The following KDM5B variants were observed in gnomAD, a reference collection of about 807,000 sequenced individuals.
KDM5B encodes the protein lysine-specific demethylase 5B.
Under a neutral mutation model 193.4 loss-of-function variants are expected in KDM5B, and 144 were observed. The observed-to-expected ratio is 0.74, with a 90% CI of 0.65 to 0.86. The LOEUF is 0.86. KDM5B is among the 40% of genes least tolerant of loss of function. The pLI, the probability that KDM5B is intolerant of heterozygous loss-of-function variation, is 0.00. For missense variants in KDM5B, 1,833 were observed against 1,886.9 expected (o/e 0.97, Z 0.53); for synonymous variants, 668 against 682.6 (o/e 0.98, Z 0.33).
intron 4 of KDM5B, among the ~76,000 whole-genome samples, chr1:202,769,438 G>A (rs1485202847): frequency 2.6e-5 from 4 of 151,246 alleles, no homozygotes; most frequent in African/African-American, 9.7e-5. Flanking sequence ...GGGAGGCCAA[G>A]GCAGGTAGAT....
chr1:202,781,596 A>C (rs1657200761), intron 1 of KDM5B, among the ~76,000 whole-genome samples: 1 of 152,210 alleles, frequency 6.6e-6, no homozygotes, highest in African/African-American at 2.4e-5. Context: ...TAATGTGTTT[A>C]ATTTATACAG....
Position 202,808,406 on chromosome 1 carries a change from C to G in KDM5B, c.-101G>C. ...CGTGCAGACGCGGCTCGAGCAACAG[C>G]AAGTCCGAGTTGTACGGGCAACGGC... is the stretch of plus-strand genomic sequence containing the variant. On this transcript the variant is annotated 5_prime_UTR_variant, in exon 1 of 27. Transcript: ENST00000367265. 6.3e-6 allele frequency: 7 copies of G among 1,117,344 alleles called. No homozygotes were observed. The highest frequency in any genetic ancestry group is 2.6e-5 in the East Asian group (1 of 38,686). 69.2% of individuals were successfully genotyped at this position (1,117,344 alleles called of 1,614,324 possible). A position where few individuals can be genotyped will look rare whatever the true frequency, so the allele number is the denominator to read the frequency against.
chr1:202,801,492 A>G (rs1001737129), intron 1 of KDM5B, among the ~76,000 whole-genome samples: 7 of 152,232 alleles, frequency 4.6e-5, no homozygotes, highest in African/African-American at 9.6e-5. Context: ...TCCTAGAGAC[A>G]TCTTTTCTTC....
chr1:202,739,422 A>T (rs1385351681), intron 20 of KDM5B, among the ~76,000 whole-genome samples: 1 of 151,064 alleles, frequency 6.6e-6, no homozygotes, highest in Non-Finnish European at 1.5e-5. Context: ...ATTATTCTTC[A>T]CAACTTTCCA....
chr1:202,736,452 G>A (rs1655099810), intron 20 of KDM5B, 60 bp from the exon 21 acceptor site: 9 of 1,361,230 alleles, frequency 6.6e-6, no homozygotes, highest in Admixed American at 2.5e-5. Context: ...TGAAAAACAG[G>A]AAAAGCTTAA....
intron 16 of KDM5B, among the ~76,000 whole-genome samples, chr1:202,743,867 TAAAACCCAA>T (rs903033499): frequency 6.6e-6 from 1 of 152,156 alleles, no homozygotes; most frequent in Non-Finnish European, 1.5e-5. Context: ...GACTTAAATG[TAAAACCCAA>T]AAATATAAAA....
chr1:202,776,750 A>G (rs1656973767), intron 2 of KDM5B, among the ~76,000 whole-genome samples: 1 of 152,090 alleles, frequency 6.6e-6, no homozygotes, highest in Non-Finnish European at 1.5e-5. Context: ...ATGTTTTAGC[A>G]GAGACAGGGT....
chr1:202,782,354 A>ACGAATTTTTTTTTCTT (rs1384161642), intron 1 of KDM5B, among the ~76,000 whole-genome samples: 4 of 152,178 alleles, frequency 2.6e-5, no homozygotes, highest in Non-Finnish European at 5.9e-5. Flanking sequence ...TCAATGGGAC[A>ACGAATTTTTTTTTCTT]CGAATTTTTT....
chr1:202,785,920 A>AG (rs1657393349), intron 1 of KDM5B, among the ~76,000 whole-genome samples: 1 of 151,882 alleles, frequency 6.6e-6, no homozygotes, highest in Non-Finnish European at 1.5e-5. Flanking sequence ...AAAAAAAAAA[A>AG]AAAAAAGTGC....
intron 1 of KDM5B, among the ~76,000 whole-genome samples, chr1:202,794,874 C>T (rs946001015): frequency 7.2e-5 from 11 of 152,104 alleles, no homozygotes; most frequent in African/African-American, 2.7e-4. Flanking sequence ...ATAAATTAGG[C>T]ACAGTTAGAG....
At chr1:202,802,574 G>A (rs757728354) in intron 1 of KDM5B, among the ~76,000 whole-genome samples, 12 of 151,972 alleles carry the variant, frequency 7.9e-5, no homozygotes, top group Non-Finnish European at 8.8e-5. Context: ...TATATTTTTA[G>A]TAGAGACAGG....
intron 2 of KDM5B, among the ~76,000 whole-genome samples, chr1:202,775,570 A>G (rs1487331918): frequency 6.6e-6 from 1 of 150,620 alleles, no homozygotes; most frequent in Non-Finnish European, 1.5e-5. Flanking sequence ...TAATAATTAT[A>G]CATGGTCGGG....
Position 202,799,630 on chromosome 1 carries a change from C to G in KDM5B, c.204+8472G>C, listed in dbSNP as rs901586079. Among the ~76,000 whole-genome samples the G allele has an allele frequency of 2.0e-5, 3 of 148,908 alleles. No individual in the cohort carries two copies. In the Admixed American group the frequency reaches 2.0e-4, roughly 10 times the overall value. ...ATCACGCCACTGCATGCACTCCAGCCTGGGTGACAAGCGTGAAACTCCATC... is the reference window on the plus strand; with the variant it reads ...ATCACGCCACTGCATGCACTCCAGCGTGGGTGACAAGCGTGAAACTCCATC... On this transcript the variant is annotated intron_variant, in intron 1 of 26. Coordinates refer to ENST00000367265, the MANE Select transcript of KDM5B (RefSeq NM_006618.5).
At position 202,727,008 on chromosome 1, in the gene KDM5B, C is replaced by T. The variant is rs190885351; in HGVS notation, c.*2028G>A. The T allele has an allele frequency of 6.6e-6, 1 of 152,340 alleles. No individual in the cohort carries two copies. The highest frequency in any genetic ancestry group is 1.9e-4 in the East Asian group (1 of 5,186). 9.4% of individuals were successfully genotyped at this position (152,340 alleles called of 1,614,324 possible). A position where few individuals can be genotyped will look rare whatever the true frequency, so the allele number is the denominator to read the frequency against. Reference sequence around the variant, plus strand: ...ACACACATGCCTACCTTTTCTAACTCACTCAGAGATACAAAGATCTGACTT... The same window carrying T: ...ACACACATGCCTACCTTTTCTAACTTACTCAGAGATACAAAGATCTGACTT... On this transcript the variant is annotated 3_prime_UTR_variant, in exon 27 of 27. Transcript: ENST00000367265.
chr1:202,729,650 T>C (rs2102206956), intron 26 of KDM5B, 57 bp downstream of exon 26: 2 of 1,484,002 alleles, frequency 1.3e-6, no homozygotes, highest in Non-Finnish European at 1.8e-6. Context: ...GAGGTCTAGC[T>C]TACAGGGTTT....
rs1165461407 is a variant in KDM5B, at chr1:202,749,005, C to G, written c.1956G>C (p.Gln652His). The change falls in exon 14 of 27, where the codon CAG (glutamine) becomes CAC (histidine). Residue 652 changes from glutamine to histidine, a missense_variant. Coordinates refer to ENST00000367265, the MANE Select transcript of KDM5B (RefSeq NM_006618.5). ...VLDVVVASTV[Q>H]KDMAIMIEDE... ...CCTCAATCATAATGGCCATGTCTTT[C>G]TGAACAGTTGAAGCCACTACAACAT... 6.2e-7 allele frequency: 1 copy of G among 1,614,054 alleles called. No homozygotes were observed. Among genetic ancestry groups the G allele is most frequent in the East Asian group, 2.2e-5 (1 of 44,880 alleles).
Position 202,805,515 on chromosome 1 carries a change from T to C in KDM5B, c.204+2587A>G, listed in dbSNP as rs554509311. On this transcript the variant is annotated intron_variant, in intron 1 of 26. Coordinates refer to ENST00000367265, the MANE Select transcript of KDM5B (RefSeq NM_006618.5). ...GACAGAAATGTTTTATACTTCTCCT[T>C]ACCTTCTAACAAGTAAAATACCAAT... 5.9e-5 allele frequency among the ~76,000 whole-genome samples: 9 copies of C among 152,326 alleles called. No individual in the cohort carries two copies. The South Asian group carries it at 1.2e-3, about 21-fold the overall frequency.
intron 24 of KDM5B, among the ~76,000 whole-genome samples, chr1:202,731,397 A>G (rs1467038532): frequency 6.6e-6 from 1 of 152,248 alleles, no homozygotes; most frequent in Admixed American, 6.5e-5. Context: ...TGATGGCCAC[A>G]GTGTCAACAG....
chr1:202,749,593 A>C (rs940458027), intron 13 of KDM5B, among the ~76,000 whole-genome samples: 6 of 97,838 alleles, frequency 6.1e-5, no homozygotes, highest in Non-Finnish European at 5.1e-5. Context: ...CAGACTCATA[A>C]AATTCCTAGC....
Sources: gnomAD v4.1 joint callset for allele counts (sites outside exome capture counted in the v4.1 genomes callset) on GRCh38, gnomAD v4.1.1 for gene constraint, MANE v1.5 for transcripts, NCBI Gene and HGNC (gene_info 2026-07-23, HGNC 2026-07-21) for gene names.